The following METAP1 variants were observed in gnomAD, a reference collection of about 807,000 sequenced individuals.
The protein encoded by METAP1 is methionine aminopeptidase 1.
In METAP1, 28 loss-of-function variants were observed where a neutral mutation model predicts 53.8. That is an observed-to-expected ratio of 0.52 (90% confidence interval 0.39 to 0.71). The LOEUF is 0.71. Ranked by LOEUF, METAP1 falls within the 30% of genes least tolerant of loss-of-function variation. The probability of loss-of-function intolerance (pLI) is 0.00; values close to 1 mark genes in which losing one functional copy is unlikely to be tolerated. For synonymous variants in METAP1, 181 were observed against 165.7 expected (o/e 1.09, Z -0.71); for missense variants, 389 against 479.8 (o/e 0.81, Z 1.77).
intron 1 of METAP1, chr4:99,026,463 T>C: frequency 2.0e-6 from 2 of 985,414 alleles, no homozygotes; most frequent in South Asian, 4.7e-5. Context: ...GTAAAGCTTC[T>C]GAGGACGTAG....
intron 9 of METAP1, 25 bp from the exon 10 acceptor site, chr4:99,057,728 T>A: frequency 1.3e-6 from 2 of 1,558,122 alleles, no homozygotes; most frequent in Non-Finnish European, 1.7e-6. Context: ...TTGCTACCTT[T>A]TGAGATTTTT....
chr4:99,036,326 G>A (rs1478712453), intron 4 of METAP1, among the ~76,000 whole-genome samples: 1 of 152,024 alleles, frequency 6.6e-6, no homozygotes, highest in African/African-American at 2.4e-5. Context: ...AAAAATTTAA[G>A]GGAAAGATAG....
Position 99,035,268 on chromosome 4 carries a change from A to T in METAP1, c.280-132A>T, listed in dbSNP as rs574921218. 7.8e-4 allele frequency: 505 copies of T among 650,106 alleles called. 1 individual carries two copies. Among genetic ancestry groups the T allele is most frequent in the Non-Finnish European group, 1.2e-3 (447 of 375,438 alleles). The allele number at this position is 650,106 out of a possible 1,614,324, so 40.3% of individuals were successfully genotyped here. A position where few individuals can be genotyped will look rare whatever the true frequency, so the allele number is the denominator to read the frequency against. On this transcript the variant is annotated intron_variant, in intron 3 of 10. Transcript: ENST00000296411. ...ACTAGGAAAAGTAAAGCATAATCTT[A>T]ATGAAATATATATCTGTTATAATAT... is the stretch of plus-strand genomic sequence containing the variant.
chr4:99,037,165 G>A (rs770718434), intron 4 of METAP1, among the ~76,000 whole-genome samples: 20 of 151,532 alleles, frequency 1.3e-4, no homozygotes, highest in Non-Finnish European at 2.5e-4. Context: ...CCCTGTTAGA[G>A]TACTAGTTTT....
At position 99,014,341 on chromosome 4, in the gene METAP1, CA is replaced by C. The variant is rs1241990319; in HGVS notation, c.115-14523del. On this transcript the variant is annotated intron_variant, in intron 1 of 10. Coordinates refer to ENST00000296411, the MANE Select transcript of METAP1 (RefSeq NM_015143.3). ...GCAGTATTGGGTCTTAATCATTACGCAAACACCACCTTTCTCAGCTAGCATC... is the reference window on the plus strand; with the variant it reads ...GCAGTATTGGGTCTTAATCATTACGCAACACCACCTTTCTCAGCTAGCATC... 1.2e-4 allele frequency among the ~76,000 whole-genome samples: 18 copies of C among 152,312 alleles called. No individual in the cohort carries two copies. In the South Asian group the frequency reaches 3.7e-3, roughly 32 times the overall value.
chr4:99,030,055 T>G (rs1483026143), intron 2 of METAP1, among the ~76,000 whole-genome samples: 5 of 152,180 alleles, frequency 3.3e-5, no homozygotes, highest in Non-Finnish European at 1.5e-5. Context: ...CACTTAACTA[T>G]ATTCATTCAT....
chr4:99,031,751 C>G lies in METAP1; in HGVS notation c.167-2479C>G, dbSNP rs1291236014. ...CCTGTCCCATGCAAAGCTTAGACATCTGTAGTTATTTTGTGTCAGCTGACC... is the reference window on the plus strand; with the variant it reads ...CCTGTCCCATGCAAAGCTTAGACATGTGTAGTTATTTTGTGTCAGCTGACC... On this transcript the variant is annotated intron_variant, in intron 2 of 10. Coordinates refer to ENST00000296411, the MANE Select transcript of METAP1 (RefSeq NM_015143.3). 1.4e-5 allele frequency: 7 copies of G among 508,662 alleles called. No individual in the cohort carries two copies. In the African/African-American group the frequency reaches 1.4e-4, roughly 10 times the overall value. The allele number at this position is 508,662 out of a possible 1,614,324, so 31.5% of individuals were successfully genotyped here.
chr4:99,022,725 G>GGC, intron 1 of METAP1: 1 of 1,550,792 alleles, frequency 6.4e-7, no homozygotes, highest in South Asian at 1.1e-5. Context: ...TAATGGGAGG[G>GGC]GCTGCACCTG....
intron 9 of METAP1, among the ~76,000 whole-genome samples, chr4:99,055,319 A>G (rs556544911): frequency 1.3e-5 from 2 of 151,486 alleles, no homozygotes; most frequent in African/African-American, 2.4e-5. Context: ...TGAACCTGGA[A>G]GGTGGAGGTT....
intron 2 of METAP1, among the ~76,000 whole-genome samples, chr4:99,032,581 A>C (rs1725122242): frequency 6.6e-6 from 1 of 152,204 alleles, no homozygotes; most frequent in South Asian, 2.1e-4. Flanking sequence ...CCAGAGCAAC[A>C]GGAAGCTTTA....
chr4:99,043,459 T>G (rs757280000), intron 7 of METAP1, 72 bp downstream of exon 7: 45 of 1,458,540 alleles, frequency 3.1e-5, no homozygotes, highest in Non-Finnish European at 4.1e-5. Flanking sequence ...GACAGTGACT[T>G]GTGTTTTCTT....
intron 1 of METAP1, among the ~76,000 whole-genome samples, chr4:98,998,654 C>G (rs551258223): frequency 1.4e-4 from 21 of 152,210 alleles, no homozygotes; most frequent in Non-Finnish European, 2.8e-4. Flanking sequence ...GTCTGGCCAG[C>G]TTGTCTTTGG....
intron 2 of METAP1, among the ~76,000 whole-genome samples, chr4:99,032,387 C>G (rs1238695262): frequency 1.3e-5 from 2 of 152,068 alleles, no homozygotes; most frequent in African/African-American, 4.8e-5. Context: ...TGTGCACCAC[C>G]ATGCCCAGCT....
intron 1 of METAP1, chr4:99,022,926 A>G (rs535413327): frequency 8.7e-6 from 13 of 1,499,018 alleles, no homozygotes; most frequent in East Asian, 2.5e-5. Flanking sequence ...TGACCTCACC[A>G]TAGGCACTGA....
intron 1 of METAP1, among the ~76,000 whole-genome samples, chr4:99,009,151 G>C (rs1723341885): frequency 2.0e-5 from 3 of 152,304 alleles, no homozygotes; most frequent in Non-Finnish European, 4.4e-5. Context: ...GTGACTGGCT[G>C]ATTTCACTTA....
At chr4:99,058,493 A>G (rs578165833) in intron 10 of METAP1, among the ~76,000 whole-genome samples, 66 of 152,166 alleles carry the variant, frequency 4.3e-4, no homozygotes, top group Non-Finnish European at 8.2e-4. Context: ...GGCTTGTAGC[A>G]GTGATAGGAG....
intron 1 of METAP1, chr4:99,023,919 T>G: frequency 2.4e-6 from 1 of 417,092 alleles, no homozygotes; most frequent in Non-Finnish European, 3.2e-6. Flanking sequence ...ATGGGAGTTT[T>G]ATTACTCAAA....
chr4:99,026,936 TAATG>T (rs1724603717), intron 1 of METAP1: 2 of 767,998 alleles, frequency 2.6e-6, no homozygotes, highest in African/African-American at 3.8e-5. Flanking sequence ...AGCCCTTAGC[TAATG>T]AATCTGTTTT....
intron 1 of METAP1, chr4:99,023,621 C>T (rs1724312978): frequency 5.1e-6 from 5 of 985,192 alleles, no homozygotes. Context: ...TTATGAAAAC[C>T]ATTTAATGTT....
Sources: allele counts gnomAD v4.1 joint callset (sites outside exome capture counted in the v4.1 genomes callset), GRCh38; gene constraint gnomAD v4.1.1; transcripts MANE v1.5; gene names NCBI Gene and HGNC (gene_info 2026-07-23, HGNC 2026-07-21).